CELA3A: variants seen among roughly 807,000 people sequenced by gnomAD.
The protein encoded by CELA3A is chymotrypsin-like elastase family member 3A.
CELA3A carries 35 observed loss-of-function variants against 38.6 expected under a neutral mutation model. That is an observed-to-expected ratio of 0.91 (90% CI 0.69 to 1.20). CELA3A has a LOEUF of 1.20. Among genes scored for constraint, CELA3A ranks in the 50% most tolerant of loss-of-function variants. The pLI, the probability that CELA3A is intolerant of heterozygous loss-of-function variation, is 0.00. For synonymous variants in CELA3A, 143 were observed against 136.7 expected, an observed-to-expected ratio of 1.05 and a Z score of -0.32; for missense variants, 343 against 354.2, an observed-to-expected ratio of 0.97 and a Z score of 0.25.
rs1569864886 is a variant in CELA3A at position 22,003,229 on chromosome 1, T to C, written c.129+141T>C. 12 of 912,368 alleles carry C rather than the reference T, an allele frequency of 1.3e-5. No homozygotes were observed. In the East Asian group the frequency reaches 2.5e-4, roughly 19 times the overall value. 56.5% of individuals were successfully genotyped at this position (912,368 alleles called of 1,614,324 possible). A position where few individuals can be genotyped will look rare whatever the true frequency, so the allele number is the denominator to read the frequency against. Reference sequence around the variant, plus strand: ...CAAAGACCAGGCAGCCCTTGGACCATCTACTTCACGGGGAGGTTTTGCCCG... The same window carrying C: ...CAAAGACCAGGCAGCCCTTGGACCACCTACTTCACGGGGAGGTTTTGCCCG... On this transcript the variant is annotated intron_variant, in intron 2 of 7. Transcript: ENST00000290122.
rs189505124 is a variant in CELA3A, at chr1:22,003,371, C to T, written c.129+283C>T. ...GGTGGAATTTCAGGCACTGTGTTGA[C>T]GAAGTGAGATTTTGAGAGACTCATT... is the stretch of plus-strand genomic sequence containing the variant. On this transcript the variant is annotated intron_variant, in intron 2 of 7. Transcript: ENST00000290122. 2.4e-4 allele frequency among the ~76,000 whole-genome samples: 36 copies of T among 151,038 alleles called. 1 individual carries two copies. Among genetic ancestry groups the T allele is most frequent in the Admixed American group, 4.6e-4 (7 of 15,206 alleles).
intron 6 of CELA3A, 143 bp downstream of exon 6, chr1:22,007,658 G>A (rs140356857): frequency 0.059 from 80,988 of 1,376,728 alleles, 2,568 homozygotes; most frequent in East Asian, 0.14. Context: ...GGAAATCAGC[G>A]CAGTCCAGAC....
intron 6 of CELA3A, 110 bp from the exon 7 acceptor site, chr1:22,009,595 G>T (rs1644971031): frequency 1.5e-6 from 2 of 1,367,716 alleles, no homozygotes; most frequent in East Asian, 2.5e-5. Flanking sequence ...GCGAGCTAAG[G>T]CTCAGAGGTG....
chr1:22,007,343 C>T (rs762911187), intron 5 of CELA3A, 30 bp from the exon 6 acceptor site: 2 of 1,593,856 alleles, frequency 1.3e-6, no homozygotes, highest in African/African-American at 1.4e-5. Context: ...TGCCCCCAGA[C>T]CCCTGACTCG....
At chr1:22,005,869 G>A (rs1644947072) in intron 4 of CELA3A, 73 bp downstream of exon 4, 9 of 1,602,972 alleles carry the variant, frequency 5.6e-6, no homozygotes, top group Non-Finnish European at 7.7e-6. Flanking sequence ...CCAAGTCTGA[G>A]TAGGCTCCAA....
intron 4 of CELA3A, chr1:22,006,151 C>T: frequency 3.7e-6 from 1 of 268,216 alleles, no homozygotes; most frequent in South Asian, 6.6e-5. Context: ...ATGGCTCACC[C>T]AGTGCATCCT....
At position 22,011,620 on chromosome 1, in the gene CELA3A, C is replaced by T. The variant is rs1454695886; in HGVS notation, c.796-830C>T. ...CAAAAATATAAAAAAATTGGCCAGGCGTGGTAGTGCGTCGCTGTAATCTCA... is the reference window on the plus strand; with the variant it reads ...CAAAAATATAAAAAAATTGGCCAGGTGTGGTAGTGCGTCGCTGTAATCTCA... On this transcript the variant is annotated intron_variant, in intron 7 of 7. Transcript: ENST00000290122. 4.0e-5 allele frequency among the ~76,000 whole-genome samples: 5 copies of T among 125,590 alleles called. 1 individual carries two copies. Among genetic ancestry groups the T allele is most frequent in the African/African-American group, 6.6e-5 (2 of 30,514 alleles). The allele number at this position is 125,590 out of a possible 152,430, so 82.4% of individuals were successfully genotyped here.
Position 22,002,983 on chromosome 1 carries a change from A to G in CELA3A, c.44-20A>G. ...TTTGGGGACCCTCCAGCTGATTGAC[A>G]GCTCTCCTCTCCCCTCTAGCCTCAG... is the stretch of plus-strand genomic sequence containing the variant. On this transcript the variant is annotated intron_variant, in intron 1 of 7. Transcript: ENST00000290122. The G allele has an allele frequency of 1.3e-6, 2 of 1,576,776 alleles. No homozygotes were observed. The highest frequency in any genetic ancestry group is 1.7e-6 in the Non-Finnish European group (2 of 1,162,848).
In CELA3A at chr1:22,010,317, C is replaced by CAA. The variant is rs11412547; in HGVS notation, c.795+468_795+469dup. On this transcript the variant is annotated intron_variant, in intron 7 of 7. Coordinates refer to ENST00000290122, the MANE Select transcript of CELA3A (RefSeq NM_005747.5). ...CATGGTAACAGTAATAGCTAAACAA[C>CAA]AAAAAAAAAGAGAGTAATAGCTGGG... 890 of 329,758 alleles carry CAA rather than the reference C, an allele frequency of 2.7e-3. 1 individual carries two copies. Among genetic ancestry groups the CAA allele is most frequent in the Non-Finnish European group, 3.7e-3 (582 of 156,428 alleles). 20.4% of individuals were successfully genotyped at this position (329,758 alleles called of 1,614,324 possible).
At chr1:22,003,824 C>T (rs1644932571) in intron 2 of CELA3A, among the ~76,000 whole-genome samples, 1 of 150,722 alleles carries the variant, frequency 6.6e-6, no homozygotes, top group African/African-American at 2.5e-5. Context: ...TCCTACCTCA[C>T]CTCCCAAGTA....
At chr1:22,006,834 G>A (rs1449622626) in intron 4 of CELA3A, 44 bp from the exon 5 acceptor site, 2 of 1,601,768 alleles carry the variant, frequency 1.2e-6, no homozygotes, top group Non-Finnish European at 8.5e-7. Context: ...TAGGACTTGG[G>A]CCGGCTGGAG....
rs145733653 is a variant in CELA3A, at chr1:22,006,341, T to G, written c.363-537T>G. 1.4e-3 allele frequency among the ~76,000 whole-genome samples: 206 copies of G among 151,332 alleles called. 6 individuals are homozygous for G. The highest frequency in any genetic ancestry group is 4.5e-3 in the African/African-American group (185 of 40,944). ...GGTGTGAAGGCCAAGGAGACAATCT[T>G]ATGCCTTTCAAGTGTATGAAAAAAT... On this transcript the variant is annotated intron_variant, in intron 4 of 7. Transcript: ENST00000290122.
At chr1:22,012,122 C>A (rs1192648344) in intron 7 of CELA3A, among the ~76,000 whole-genome samples, 1 of 127,168 alleles carries the variant, frequency 7.9e-6, no homozygotes, top group Non-Finnish European at 1.6e-5. Flanking sequence ...TATATATACA[C>A]AAACACATAC....
At position 22,007,465 on chromosome 1, in the gene CELA3A, G is replaced by A. The variant is rs761114117; in HGVS notation, c.592G>A (p.Val198Met). ...CSRWNWWGST[V>M]KKTMVCAGGY... is the part of the protein sequence containing the mutation. ...CAGGTGGAACTGGTGGGGTTCCACC[G>A]TGAAGAAAACCATGGTGTGTGCTGG... Residue 198 changes from valine (V) to methionine (M), a missense_variant, in exon 6 of 8, where the codon GTG (valine) becomes ATG (methionine). Physicochemically the swap from Val to Met is conservative, Grantham distance 21. Transcript: ENST00000290122. The A allele has an allele frequency of 2.1e-5, 34 of 1,612,462 alleles. No individual in the cohort carries two copies. Among genetic ancestry groups the A allele is most frequent in the African/African-American group, 2.7e-5 (2 of 74,332 alleles).
intron 1 of CELA3A, chr1:22,002,757 G>A: frequency 2.0e-6 from 1 of 508,106 alleles, no homozygotes; most frequent in South Asian, 2.0e-5. Flanking sequence ...AGTGTATCAA[G>A]CTCTTCAATC....
At chr1:22,006,678 C>T (rs978797821) in intron 4 of CELA3A, among the ~76,000 whole-genome samples, 200 bp from the exon 5 acceptor site, 31 of 149,514 alleles carry the variant, frequency 2.1e-4, no homozygotes, top group Admixed American at 1.3e-3. Context: ...GATTGTGACA[C>T]TGCACTCCAG....
intron 1 of CELA3A, chr1:22,002,553 G>A (rs1211375094): frequency 4.4e-6 from 2 of 455,380 alleles, no homozygotes; most frequent in Non-Finnish European, 8.8e-6. Flanking sequence ...ATGTTGCCCA[G>A]GCTGGTCTCA....
Position 22,007,424 on chromosome 1 carries a change from A to T in CELA3A, c.551A>T (p.Asp184Val), listed in dbSNP as rs1233366242. The T allele has an allele frequency of 3.1e-6, 5 of 1,612,366 alleles. No homozygotes were observed. Among genetic ancestry groups the T allele is most frequent in the Non-Finnish European group, 4.2e-6 (5 of 1,179,426 alleles). Residue 184 changes from aspartate (D) to valine (V), a missense_variant, in exon 6 of 8, where the codon GAC (aspartate) becomes GTC (valine). By Grantham distance (152) the Asp-to-Val change is radical. Coordinates refer to ENST00000290122, the MANE Select transcript of CELA3A (RefSeq NM_005747.5). ...KLQQARLPVV[D>V]YKHCSRWNWW... The stretch of plus-strand genomic sequence containing the variant: ...CAGCAGGCCCGGCTGCCCGTGGTGG[A>T]CTATAAGCACTGCTCCAGGTGGAAC...
chr1:22,007,598 G>T lies in CELA3A; in HGVS notation c.642+83G>T, dbSNP rs531112481. On this transcript the variant is annotated intron_variant, in intron 6 of 7. Transcript: ENST00000290122. The stretch of plus-strand genomic sequence containing the variant: ...GCCAACTGCCTGGAAGGTGGAGGAA[G>T]GATCTTGCCTGCTTGCCCCATTCAG... 24 of 1,526,186 alleles carry T rather than the reference G, an allele frequency of 1.6e-5. No homozygotes were observed. The South Asian group carries it at 2.5e-4, about 16-fold the overall frequency. The allele number at this position is 1,526,186 out of a possible 1,614,324, so 94.5% of individuals were successfully genotyped here. A position where few individuals can be genotyped will look rare whatever the true frequency, so the allele number is the denominator to read the frequency against.
Sources: allele counts gnomAD v4.1 joint callset (sites outside exome capture counted in the v4.1 genomes callset), GRCh38; gene constraint gnomAD v4.1.1; transcripts MANE v1.5; gene names NCBI Gene and HGNC (gene_info 2026-07-23, HGNC 2026-07-21).